ARHGEF28: variants seen among roughly 807,000 people sequenced by gnomAD.
ARHGEF28 encodes 190 kDa guanine nucleotide exchange factor.
A neutral mutation model predicts 206.6 loss-of-function variants in ARHGEF28; 152 were observed. The ratio of observed to expected loss-of-function variants is 0.74; its 90% CI spans 0.64 to 0.84. The LOEUF is 0.84. Among genes scored for constraint, ARHGEF28 ranks in the 40% least tolerant of loss-of-function variants. ARHGEF28 has a pLI of 0.00. For synonymous variants in ARHGEF28, 763 were observed against 776.4 expected, an observed-to-expected ratio of 0.98 and a Z score of 0.29; for missense variants, 2,028 against 2,073.2, an observed-to-expected ratio of 0.98 and a Z score of 0.42.
chr5:73,747,237 A>G (rs987727645), intron 2 of ARHGEF28, among the ~76,000 whole-genome samples: 17 of 152,174 alleles, frequency 1.1e-4, no homozygotes, highest in Admixed American at 1.1e-3. Flanking sequence ...AAAGAATGTA[A>G]TTGGATCCAG....
At chr5:73,759,239 A>G (rs907263529) in intron 4 of ARHGEF28, among the ~76,000 whole-genome samples, 3 of 152,238 alleles carry the variant, frequency 2.0e-5, no homozygotes, top group Non-Finnish European at 4.4e-5. Context: ...TAACAACCAC[A>G]ACAGATTTAA....
intron 1 of ARHGEF28, among the ~76,000 whole-genome samples, chr5:73,634,346 C>G (rs1178961063): frequency 6.6e-6 from 1 of 152,136 alleles, no homozygotes; most frequent in Non-Finnish European, 1.5e-5. Context: ...TATACTGTGT[C>G]TATTATATCT....
intron 4 of ARHGEF28, among the ~76,000 whole-genome samples, chr5:73,760,353 A>G (rs1209305867): frequency 6.6e-6 from 1 of 151,444 alleles, no homozygotes; most frequent in Non-Finnish European, 1.5e-5. Flanking sequence ...GTAACAACTG[A>G]TTCAGGGGTT....
intron 2 of ARHGEF28, among the ~76,000 whole-genome samples, chr5:73,727,512 C>G (rs763067921): frequency 6.6e-6 from 1 of 152,098 alleles, no homozygotes; most frequent in East Asian, 1.9e-4. Context: ...ACCCACTTTC[C>G]TGGATAAGGA....
chr5:73,632,086 CAGTT>C (rs1485168014), intron 1 of ARHGEF28, among the ~76,000 whole-genome samples: 1 of 152,128 alleles, frequency 6.6e-6, no homozygotes, highest in Non-Finnish European at 1.5e-5. Flanking sequence ...ACGTGTTGGT[CAGTT>C]ATTTAGTTAT....
intron 2 of ARHGEF28, among the ~76,000 whole-genome samples, chr5:73,741,821 C>A (rs1039336772): frequency 6.6e-6 from 1 of 151,972 alleles, no homozygotes; most frequent in African/African-American, 2.4e-5. Flanking sequence ...TTAATTATTT[C>A]TTTGGGTAAG....
At chr5:73,741,620 C>G (rs1236303128) in intron 2 of ARHGEF28, among the ~76,000 whole-genome samples, 1 of 147,858 alleles carries the variant, frequency 6.8e-6, no homozygotes. Context: ...GGGGTTTCAC[C>G]ATGTTGGCCA....
intron 1 of ARHGEF28, among the ~76,000 whole-genome samples, chr5:73,647,146 C>G (rs1195485156): frequency 6.6e-6 from 1 of 152,144 alleles, no homozygotes; most frequent in African/African-American, 2.4e-5. Flanking sequence ...GAGGAAAATT[C>G]CACACCTGAC....
At chr5:73,809,400 C>T (rs1240807675) in intron 9 of ARHGEF28, among the ~76,000 whole-genome samples, 1 of 152,102 alleles carries the variant, frequency 6.6e-6, no homozygotes, top group African/African-American at 2.4e-5. Flanking sequence ...CGCTATGAGA[C>T]AACTAAGGCT....
chr5:73,717,458 C>T (rs937039450), intron 2 of ARHGEF28, among the ~76,000 whole-genome samples: 1 of 152,114 alleles, frequency 6.6e-6, no homozygotes, highest in African/African-American at 2.4e-5. Context: ...ACCATCTAGT[C>T]CTTTCTGGGA....
intron 35 of ARHGEF28, among the ~76,000 whole-genome samples, chr5:73,928,203 G>T (rs781535892): frequency 5.3e-5 from 8 of 152,212 alleles, no homozygotes; most frequent in Non-Finnish European, 1.2e-4. Context: ...CAGCTCATTT[G>T]AGGTCAGGCT....
At chr5:73,833,201 A>G (rs1160298400) in intron 10 of ARHGEF28, among the ~76,000 whole-genome samples, 1 of 152,206 alleles carries the variant, frequency 6.6e-6, no homozygotes. Flanking sequence ...GGTAGTTTTG[A>G]TGACACAAAG....
Position 73,909,577 on chromosome 5 carries a change from C to G in ARHGEF28, c.4327C>G (p.Leu1443Val). The G allele has an allele frequency of 1.3e-6, 2 of 1,564,934 alleles. No individual in the cohort carries two copies. The highest frequency in any genetic ancestry group is 1.7e-6 in the Non-Finnish European group (2 of 1,155,006). Reference sequence around the variant, plus strand: ...TGAGGAGCTGGCCAATGTGCACCAGCTTCAGCACCAGCTCCAGCAGGAGCA... The same window carrying G: ...TGAGGAGCTGGCCAATGTGCACCAGGTTCAGCACCAGCTCCAGCAGGAGCA... The part of the protein sequence containing the change: ...QHEELANVHQ[L>V]QHQLQQEQRR... The change falls in exon 34 of 36, where the codon CTT (leucine) becomes GTT (valine). Residue 1443 changes from leucine (L) to valine (V), a missense_variant. Physicochemically the swap from Leu to Val is conservative, Grantham distance 32 (BLOSUM62 1). Transcript: ENST00000513042.
chr5:73,717,367 A>G (rs1749647133), intron 2 of ARHGEF28, among the ~76,000 whole-genome samples: 1 of 151,966 alleles, frequency 6.6e-6, no homozygotes, highest in Non-Finnish European at 1.5e-5. Context: ...TTGGATGGTT[A>G]CCCTCCTTTA....
intron 9 of ARHGEF28, among the ~76,000 whole-genome samples, chr5:73,818,883 C>G (rs1711733307): frequency 6.6e-6 from 1 of 152,146 alleles, no homozygotes; most frequent in South Asian, 2.1e-4. Context: ...CAGGGGACTC[C>G]TCTCCATCAC....
At chr5:73,765,955 A>G (rs1031851766) in intron 4 of ARHGEF28, among the ~76,000 whole-genome samples, 2 of 152,202 alleles carry the variant, frequency 1.3e-5, no homozygotes, top group African/African-American at 2.4e-5. Context: ...GATCGAGACC[A>G]TCTTGGCTAA....
chr5:73,737,016 A>G (rs541768708), intron 2 of ARHGEF28, among the ~76,000 whole-genome samples: 2 of 152,238 alleles, frequency 1.3e-5, no homozygotes, highest in Non-Finnish European at 2.9e-5. Flanking sequence ...GCAGGGTTGT[A>G]TGGAAGGATG....
intron 4 of ARHGEF28, among the ~76,000 whole-genome samples, chr5:73,768,218 C>A (rs1753016183): frequency 6.6e-6 from 1 of 152,044 alleles, no homozygotes; most frequent in South Asian, 2.1e-4. Flanking sequence ...GGACCCCCCA[C>A]ACAGAGTTCC....
intron 2 of ARHGEF28, among the ~76,000 whole-genome samples, chr5:73,712,704 C>T (rs1012444420): frequency 3.9e-5 from 6 of 152,170 alleles, no homozygotes; most frequent in Non-Finnish European, 8.8e-5. Context: ...AAATTATCAG[C>T]ATGCTTCTAT....
Sources: gnomAD v4.1 joint callset for allele counts (sites outside exome capture counted in the v4.1 genomes callset) on GRCh38, gnomAD v4.1.1 for gene constraint, MANE v1.5 for transcripts, NCBI Gene and HGNC (gene_info 2026-07-23, HGNC 2026-07-21) for gene names.